The following VAV3 variants were observed in gnomAD, a reference collection of about 807,000 sequenced individuals.
The protein encoded by VAV3 is guanine nucleotide exchange factor VAV3.
VAV3 carries 94 observed loss-of-function variants against 131.2 expected under a neutral mutation model. That is an observed-to-expected ratio of 0.72 (90% CI 0.61 to 0.85). The LOEUF (loss-of-function observed/expected upper bound fraction) is 0.85, where lower values mean the gene tolerates loss of function less well. Ranked by LOEUF, VAV3 falls within the 40% of genes least tolerant of loss-of-function variation. The pLI is 0.00. For missense variants in VAV3, 939 were observed against 1,002.7 expected (o/e 0.94, Z 0.86); for synonymous variants, 349 against 342.0 (o/e 1.02, Z -0.22).
intron 2 of VAV3, among the ~76,000 whole-genome samples, chr1:107,844,270 G>C (rs1398620471): frequency 6.6e-6 from 1 of 152,046 alleles, no homozygotes; most frequent in African/African-American, 2.4e-5. Context: ...GTGCCACGAG[G>C]GACGGTGCTA....
intron 1 of VAV3, among the ~76,000 whole-genome samples, chr1:107,913,560 C>G (rs1374194887): frequency 6.6e-6 from 1 of 152,164 alleles, no homozygotes; most frequent in Non-Finnish European, 1.5e-5. Flanking sequence ...AAAGTATTCA[C>G]AAATTTCCAA....
At chr1:107,582,016 T>A (rs910638837) in intron 25 of VAV3, among the ~76,000 whole-genome samples, 2 of 152,192 alleles carry the variant, frequency 1.3e-5, no homozygotes, top group Non-Finnish European at 2.9e-5. Flanking sequence ...AACAAGCACA[T>A]GTGTTCTCAC....
intron 1 of VAV3, among the ~76,000 whole-genome samples, chr1:107,882,050 A>G (rs1211557017): frequency 6.6e-6 from 1 of 152,144 alleles, no homozygotes; most frequent in Non-Finnish European, 1.5e-5. Flanking sequence ...TGAAAAAATA[A>G]ACACCGACTT....
chr1:107,612,352 T>C (rs1281418124), intron 21 of VAV3, among the ~76,000 whole-genome samples: 1 of 152,104 alleles, frequency 6.6e-6, no homozygotes, highest in Non-Finnish European at 1.5e-5. Context: ...ATAGTAATTT[T>C]CTCTCACAAC....
At chr1:107,946,412 C>T (rs549042118) in intron 1 of VAV3, among the ~76,000 whole-genome samples, 74 of 152,296 alleles carry the variant, frequency 4.9e-4, no homozygotes, top group African/African-American at 1.6e-3. Flanking sequence ...AATCTACATG[C>T]CACTCAAGTC....
At chr1:107,607,315 A>G (rs1365228236) in intron 22 of VAV3, among the ~76,000 whole-genome samples, 6 of 152,162 alleles carry the variant, frequency 3.9e-5, no homozygotes, top group Non-Finnish European at 8.8e-5. Flanking sequence ...TCTGGATTTT[A>G]GATTTTTAAC....
rs1230059747 is a variant in VAV3, at chr1:107,964,930, C to T, written c.-61G>A. The T allele has an allele frequency of 3.0e-4, 361 of 1,217,526 alleles. 4 individuals are homozygous for T. In the East Asian group the frequency reaches 0.011, roughly 37 times the overall value. The allele number at this position is 1,217,526 out of a possible 1,614,324, so 75.4% of individuals were successfully genotyped here. A position where few individuals can be genotyped will look rare whatever the true frequency, so the allele number is the denominator to read the frequency against. Reference sequence around the variant, plus strand: ...GGCGGCAAGGATGCGGCCGCCGCCGCCGCCGCCGCGGTTCCTCCGCGCCCC... The same window carrying T: ...GGCGGCAAGGATGCGGCCGCCGCCGTCGCCGCCGCGGTTCCTCCGCGCCCC... On this transcript the variant is annotated 5_prime_UTR_variant, in exon 1 of 27. Coordinates refer to ENST00000370056, the MANE Select transcript of VAV3 (RefSeq NM_006113.5).
At chr1:107,828,493 G>A (rs72707741) in intron 2 of VAV3, among the ~76,000 whole-genome samples, 1,541 of 152,134 alleles carry the variant, frequency 0.01, 17 homozygotes, top group Middle Eastern at 0.031. Context: ...CCAGTGAGAC[G>A]CATGTTGAAT....
At chr1:107,685,065 C>CA (rs879602574) in intron 18 of VAV3, among the ~76,000 whole-genome samples, 149 of 147,520 alleles carry the variant, frequency 1.0e-3, no homozygotes, top group Middle Eastern at 3.4e-3. Flanking sequence ...ACTAGGAAGG[C>CA]AAAAAAAAAT....
In VAV3 at chr1:107,895,087, TGA is replaced by T. The variant is rs1396000247; in HGVS notation, c.205-20072_205-20071del. On this transcript the variant is annotated intron_variant, in intron 1 of 26. Coordinates refer to ENST00000370056, the MANE Select transcript of VAV3 (RefSeq NM_006113.5). ...TGAGGAGAAATCAAGAGGAAGGGACTGAGTTTCTTGTCCAAGTCAGTTTGGGA... is the reference window on the plus strand; with the variant it reads ...TGAGGAGAAATCAAGAGGAAGGGACTGTTTCTTGTCCAAGTCAGTTTGGGA... 2.6e-5 allele frequency among the ~76,000 whole-genome samples: 4 copies of T among 151,930 alleles called. No homozygotes were observed. The East Asian group carries it at 7.7e-4, about 29-fold the overall frequency.
intron 2 of VAV3, among the ~76,000 whole-genome samples, chr1:107,849,342 C>T (rs992911679): frequency 6.6e-6 from 1 of 151,408 alleles, no homozygotes; most frequent in African/African-American, 2.4e-5. Flanking sequence ...TACAAGGCTA[C>T]AGTAACCAAA....
chr1:107,600,497 C>T (rs1651761460), intron 24 of VAV3, among the ~76,000 whole-genome samples: 1 of 152,136 alleles, frequency 6.6e-6, no homozygotes. Flanking sequence ...CACATATGCA[C>T]GTGTCTCTAA....
intron 20 of VAV3, among the ~76,000 whole-genome samples, chr1:107,630,491 G>A (rs1442330214): frequency 6.6e-6 from 1 of 152,148 alleles, no homozygotes; most frequent in African/African-American, 2.4e-5. Context: ...GCCCACTTCA[G>A]AGTAAGTAAT....
intron 20 of VAV3, among the ~76,000 whole-genome samples, chr1:107,628,452 C>G (rs1160543673): frequency 6.6e-6 from 1 of 152,064 alleles, no homozygotes; most frequent in Admixed American, 6.6e-5. Context: ...TGCCCCTGGC[C>G]AAGTCAAGAG....
At chr1:107,828,265 G>A (rs17020144) in intron 2 of VAV3, among the ~76,000 whole-genome samples, 1,998 of 152,128 alleles carry the variant, frequency 0.013, 44 homozygotes, top group African/African-American at 0.046. Flanking sequence ...CCTTTCAAGC[G>A]TACAAGATTC....
chr1:107,786,625 T>A (rs1483233292), intron 2 of VAV3, among the ~76,000 whole-genome samples: 1 of 152,220 alleles, frequency 6.6e-6, no homozygotes, highest in Non-Finnish European at 1.5e-5. Context: ...ATCCTCATCA[T>A]CATCGGTAAA....
intron 3 of VAV3, among the ~76,000 whole-genome samples, chr1:107,778,762 T>C (rs1454067755): frequency 2.6e-5 from 4 of 152,234 alleles, no homozygotes; most frequent in Non-Finnish European, 5.9e-5. Context: ...GAAACCAGGC[T>C]GAGTAGAGAC....
At position 107,573,201 on chromosome 1, in the gene VAV3, A is replaced by G; in HGVS notation, c.*130T>C. The G allele has an allele frequency of 1.0e-6, 1 of 954,722 alleles. No individual in the cohort carries two copies. The highest frequency in any genetic ancestry group is 1.6e-6 in the Non-Finnish European group (1 of 634,884). 59.1% of individuals were successfully genotyped at this position (954,722 alleles called of 1,614,324 possible). A position where few individuals can be genotyped will look rare whatever the true frequency, so the allele number is the denominator to read the frequency against. On this transcript the variant is annotated 3_prime_UTR_variant, in exon 27 of 27. Coordinates refer to ENST00000370056, the MANE Select transcript of VAV3 (RefSeq NM_006113.5). ...TCAGCATTAAGACTTAGGAGGGGCTAAGGAGGGAGGATGTTGAACAGCCAG... is the reference window on the plus strand; with the variant it reads ...TCAGCATTAAGACTTAGGAGGGGCTGAGGAGGGAGGATGTTGAACAGCCAG...
At chr1:107,615,187 T>C (rs1653051194) in intron 21 of VAV3, among the ~76,000 whole-genome samples, 3 of 152,080 alleles carry the variant, frequency 2.0e-5, no homozygotes, top group Non-Finnish European at 4.4e-5. Context: ...CATCTGATCT[T>C]TGACAAAGCT....
Sources: allele counts gnomAD v4.1 joint callset (sites outside exome capture counted in the v4.1 genomes callset), GRCh38; gene constraint gnomAD v4.1.1; transcripts MANE v1.5; gene names NCBI Gene and HGNC (gene_info 2026-07-23, HGNC 2026-07-21).